ZSWIM4: variants seen among roughly 807,000 people sequenced by gnomAD.
ZSWIM4 encodes zinc finger SWIM domain-containing protein 4.
Under a neutral mutation model 102.5 loss-of-function variants are expected in ZSWIM4, and 62 were observed. The observed-to-expected ratio is 0.60, with a 90% CI of 0.49 to 0.75. The LOEUF (loss-of-function observed/expected upper bound fraction) is 0.75, where lower values mean the gene tolerates loss of function less well. Among genes scored for constraint, ZSWIM4 ranks in the 30% least tolerant of loss-of-function variants. ZSWIM4 has a pLI of 0.00. For missense variants in ZSWIM4, 1,280 were observed against 1,529.6 expected (o/e 0.84, Z 2.72); for synonymous variants, 652 against 674.5 (o/e 0.97, Z 0.52).
chr19:13,808,171 C>T (rs966952019), intron 3 of ZSWIM4, among the ~76,000 whole-genome samples: 2 of 152,104 alleles, frequency 1.3e-5, no homozygotes, highest in Non-Finnish European at 2.9e-5. Context: ...CCAGTCACCT[C>T]CCTCCATGCC....
intron 1 of ZSWIM4, 140 bp downstream of exon 1, chr19:13,795,941 A>G: frequency 2.2e-6 from 1 of 448,704 alleles, no homozygotes; most frequent in Non-Finnish European, 3.2e-6. Context: ...CAGGACCCTT[A>G]ACCCTGCCTG....
rs1489803086 is a variant in ZSWIM4 at position 13,826,811 on chromosome 19, T to C, written c.2379+1098T>C. On this transcript the variant is annotated intron_variant, in intron 12 of 13. Coordinates refer to ENST00000590508, the MANE Select transcript of ZSWIM4 (RefSeq NM_001367834.3). ...TGTATGCAGGGCCTGCAACTGAGTG[T>C]CTGGGTCATCCCCAGGGGCTGAACA... Among the ~76,000 whole-genome samples, 4 of 151,846 alleles carry C rather than the reference T, an allele frequency of 2.6e-5. No individual in the cohort carries two copies. In the East Asian group the frequency reaches 5.8e-4, roughly 22 times the overall value.
In ZSWIM4 at chr19:13,809,184, A is replaced by G; in HGVS notation, c.976A>G (p.Met326Val). 1 of 1,611,918 alleles carries G rather than the reference A, an allele frequency of 6.2e-7. No individual in the cohort carries two copies. The highest frequency in any genetic ancestry group is 8.5e-7 in the Non-Finnish European group (1 of 1,179,110). Residue 326 changes from methionine to valine, a missense_variant, in exon 5 of 14, where the codon ATG (methionine) becomes GTG (valine). Coordinates refer to ENST00000590508, the MANE Select transcript of ZSWIM4 (RefSeq NM_001367834.3). This position sits in a 1 kb window ranked among gnomAD's most constrained non-coding sequence, Gnocchi z 4.2. The part of the protein sequence containing the change: ...LALWRQQGAG[M>V]TDKCRQLWDE... The stretch of plus-strand genomic sequence containing the variant: ...CCTGTGGCGGCAGCAGGGCGCGGGC[A>G]TGACGGACAAGTGCCGGCAGCTCTG...
At chr19:13,812,601 A>C (rs1352430923) in intron 5 of ZSWIM4, among the ~76,000 whole-genome samples, 1 of 148,842 alleles carries the variant, frequency 6.7e-6, no homozygotes, top group Non-Finnish European at 1.5e-5. Context: ...CTGGGATTAC[A>C]GGCACCCACA....
At chr19:13,816,035 G>T (rs1334378996) in intron 7 of ZSWIM4, among the ~76,000 whole-genome samples, 5 of 149,558 alleles carry the variant, frequency 3.3e-5, no homozygotes, top group African/African-American at 4.9e-5. Context: ...AGAGAGAGAT[G>T]GGGGGAGAGA....
At position 13,799,625 on chromosome 19, in the gene ZSWIM4, G is replaced by A. The variant is rs1024304711; in HGVS notation, c.154-95G>A. The A allele has an allele frequency of 3.5e-5, 44 of 1,274,102 alleles. No individual in the cohort carries two copies. In the Admixed American group the frequency reaches 7.2e-4, roughly 21 times the overall value. The allele number at this position is 1,274,102 out of a possible 1,614,324, so 78.9% of individuals were successfully genotyped here. A position where few individuals can be genotyped will look rare whatever the true frequency, so the allele number is the denominator to read the frequency against. ...TCTCTATGTTGCCCAGGCTGGTCTC[G>A]AACTCTTGGCCTCAAGCGATCCTCC... is the stretch of plus-strand genomic sequence containing the variant. On this transcript the variant is annotated intron_variant, in intron 1 of 13. Coordinates refer to ENST00000590508, the MANE Select transcript of ZSWIM4 (RefSeq NM_001367834.3).
intron 10 of ZSWIM4, among the ~76,000 whole-genome samples, chr19:13,820,878 C>T (rs345626): frequency 6.7e-6 from 1 of 150,368 alleles, no homozygotes; most frequent in Admixed American, 6.7e-5. Context: ...AAAAGAACCA[C>T]TTGGAAGCTG....
At chr19:13,804,668 T>A in intron 2 of ZSWIM4, 124 bp from the exon 3 acceptor site, 1 of 736,230 alleles carries the variant, frequency 1.4e-6, no homozygotes, top group African/African-American at 1.8e-5. Context: ...AAATGCAAAG[T>A]GAGTGAGGTG....
chr19:13,829,316 C>T (rs1312773506), intron 13 of ZSWIM4, among the ~76,000 whole-genome samples: 3 of 150,706 alleles, frequency 2.0e-5, no homozygotes, highest in Admixed American at 6.6e-5. Context: ...GAGGGCCAGG[C>T]GCAGTGGCTC....
At chr19:13,826,848 T>C (rs1343924016) in intron 12 of ZSWIM4, among the ~76,000 whole-genome samples, 1 of 152,008 alleles carries the variant, frequency 6.6e-6, no homozygotes, top group Non-Finnish European at 1.5e-5. Flanking sequence ...AGGGTGGTCC[T>C]GCAAGGCCAA....
chr19:13,814,957 C>A, intron 7 of ZSWIM4, 92 bp downstream of exon 7: 1 of 746,528 alleles, frequency 1.3e-6, no homozygotes, highest in Non-Finnish European at 1.8e-6. Context: ...AGGAGTTCAA[C>A]ATCAGCCTGG....
At chr19:13,799,274 C>CTT (rs33931479) in intron 1 of ZSWIM4, among the ~76,000 whole-genome samples, 2 of 117,722 alleles carry the variant, frequency 1.7e-5, no homozygotes, top group South Asian at 2.7e-4. Flanking sequence ...ATTTTTTTAT[C>CTT]TTTTTTTTTT....
rs765270232 is a variant in ZSWIM4 at position 13,799,783 on chromosome 19, C to T, written c.217C>T (p.Pro73Ser). The change falls in exon 2 of 14, where the codon CCA becomes TCA. Residue 73 changes from proline to serine, a missense_variant. Pro to Ser is a moderately conservative substitution (Grantham distance 74, BLOSUM62 -1). Coordinates refer to ENST00000590508, the MANE Select transcript of ZSWIM4 (RefSeq NM_001367834.3). ...VQKRIVFWSF[P>S]RSEREICMYS... ...GAAGCGCATCGTGTTTTGGTCGTTT[C>T]CACGCAGTGAACGGGAAATATGTAT... The T allele has an allele frequency of 1.2e-6, 2 of 1,614,058 alleles. No individual in the cohort carries two copies. Among genetic ancestry groups the T allele is most frequent in the South Asian group, 1.1e-5 (1 of 91,086 alleles).
intron 7 of ZSWIM4, among the ~76,000 whole-genome samples, chr19:13,816,162 C>T (rs778400804): frequency 2.0e-5 from 3 of 151,764 alleles, no homozygotes; most frequent in Admixed American, 6.6e-5. Flanking sequence ...GAGAGCTAGT[C>T]GATGGGGTTG....
chr19:13,830,081 C>T (rs1438261568), intron 13 of ZSWIM4, 110 bp from the exon 14 acceptor site: 2 of 1,360,130 alleles, frequency 1.5e-6, no homozygotes, highest in Non-Finnish European at 2.0e-6. Context: ...TTCTGTTCAG[C>T]ATGGTGTGGA....
At chr19:13,814,052 C>G (rs1002590716) in intron 6 of ZSWIM4, among the ~76,000 whole-genome samples, 4 of 150,922 alleles carry the variant, frequency 2.7e-5, no homozygotes, top group Non-Finnish European at 5.9e-5. Flanking sequence ...CTAACACATA[C>G]ACGCATCCTT....
Position 13,805,026 on chromosome 19 carries a change from G to A in ZSWIM4, c.590G>A (p.Arg197Gln), listed in dbSNP as rs1453202266. ...TCCGAGACGCTCTCCCAGATGAACC[G>A]GGACCAGCTGCAGAAGTTCGTGCAG... ...PISETLSQMN[R>Q]DQLQKFVQYL... The change falls in exon 3 of 14, where the codon CGG becomes CAG. Residue 197 changes from arginine (R) to glutamine (Q), a missense_variant. Physicochemically the swap from Arg to Gln is conservative, Grantham distance 43. Coordinates refer to ENST00000590508, the MANE Select transcript of ZSWIM4 (RefSeq NM_001367834.3). 3.1e-6 allele frequency: 5 copies of A among 1,611,772 alleles called. No homozygotes were observed. Among genetic ancestry groups the A allele is most frequent in the Middle Eastern group, 1.6e-4 (1 of 6,062 alleles).
chr19:13,808,949 G>A lies in ZSWIM4; in HGVS notation c.826G>A (p.Gly276Arg), dbSNP rs376673836. Residue 276 changes from glycine (G) to arginine (R), a missense_variant, in exon 4 of 14, where the codon GGG (glycine) becomes AGG (arginine). Gly to Arg is a moderately radical substitution (Grantham distance 125). Coordinates refer to ENST00000590508, the MANE Select transcript of ZSWIM4 (RefSeq NM_001367834.3). ...KQLLSNGGYYGASQQLRSMFS... is the reference protein window; with the variant it reads ...KQLLSNGGYYRASQQLRSMFS... ...GCTACTGTCCAATGGCGGCTACTAC[G>A]GGGCCAGCCAGCAGCTGCGCTCCAT... The A allele has an allele frequency of 3.1e-6, 5 of 1,609,560 alleles. No homozygotes were observed. The Admixed American group carries it at 5.1e-5, about 16-fold the overall frequency.
intron 6 of ZSWIM4, among the ~76,000 whole-genome samples, chr19:13,813,813 CAG>C (rs1975179798): frequency 1.3e-5 from 2 of 150,516 alleles, no homozygotes; most frequent in Non-Finnish European, 1.5e-5. Context: ...CCCGGATACT[CAG>C]GGGGCTGAGA....
Sources: allele counts gnomAD v4.1 joint callset (sites outside exome capture counted in the v4.1 genomes callset), GRCh38; gene constraint gnomAD v4.1.1; non-coding constraint Gnocchi (gnomAD v3.1); transcripts MANE v1.5; gene names NCBI Gene and HGNC (gene_info 2026-07-23, HGNC 2026-07-21).